Variants in ZBTB7C observed in about 807,000 individuals in gnomAD.
ZBTB7C encodes zinc finger and BTB domain-containing protein 7C.
ZBTB7C carries 8 observed loss-of-function variants against 25.7 expected under a neutral mutation model. The ratio of observed to expected loss-of-function variants is 0.31; its 90% CI spans 0.18 to 0.56. The LOEUF (loss-of-function observed/expected upper bound fraction) is 0.56. Ranked by LOEUF, ZBTB7C falls within the 20% of genes least tolerant of loss-of-function variation. The pLI is 0.91. For missense variants in ZBTB7C, 824 were observed against 855.2 expected (o/e 0.96, Z 0.46); for synonymous variants, 394 against 369.0 (o/e 1.07, Z -0.78).
At chr18:48,204,194 C>T (rs1295930693) in intron 2 of ZBTB7C, among the ~76,000 whole-genome samples, 1 of 152,194 alleles carries the variant, frequency 6.6e-6, no homozygotes, top group African/African-American at 2.4e-5. Context: ...ATAGAATGTG[C>T]CTGGAGAGGG....
Position 48,029,039 on chromosome 18 carries a change from G to A in ZBTB7C, c.*221C>T. Reference sequence around the variant, plus strand: ...CCAGAGAGACAGGGAGGGAGGCCCGGGCTCCTGGCCTTTTGGGAAAAGATG... The same window carrying A: ...CCAGAGAGACAGGGAGGGAGGCCCGAGCTCCTGGCCTTTTGGGAAAAGATG... On this transcript the variant is annotated 3_prime_UTR_variant, in exon 5 of 5. Coordinates refer to ENST00000590800, the MANE Select transcript of ZBTB7C (RefSeq NM_001318841.2). The A allele has an allele frequency of 6.6e-6, 4 of 605,092 alleles. No individual in the cohort carries two copies. In the South Asian group the frequency reaches 9.5e-5, roughly 14 times the overall value. 37.5% of individuals were successfully genotyped at this position (605,092 alleles called of 1,614,324 possible).
At chr18:48,228,793 G>A (rs2043176498) in intron 2 of ZBTB7C, among the ~76,000 whole-genome samples, 2 of 143,504 alleles carry the variant, frequency 1.4e-5, no homozygotes, top group Admixed American at 6.8e-5. Context: ...ATACACACTC[G>A]TACATGAACA....
intron 1 of ZBTB7C, among the ~76,000 whole-genome samples, chr18:48,366,561 C>T (rs981751088): frequency 3.9e-5 from 6 of 152,098 alleles, no homozygotes; most frequent in East Asian, 1.9e-4. Flanking sequence ...TTCCTTGCTA[C>T]GTAATTATTG....
At chr18:48,412,261 G>C (rs1179427955), upstream of ZBTB7C, among the ~76,000 whole-genome samples, 1 of 152,184 alleles carries the variant, frequency 6.6e-6, no homozygotes, top group Non-Finnish European at 1.5e-5. Flanking sequence ...TCTGAGAATT[G>C]GGATCAAATT....
intron 2 of ZBTB7C, among the ~76,000 whole-genome samples, chr18:48,312,982 G>A (rs901202818): frequency 6.6e-6 from 1 of 152,108 alleles, no homozygotes; most frequent in Non-Finnish European, 1.5e-5. Context: ...TTCTTCATTC[G>A]ATTCCTATTG....
chr18:48,137,421 C>G lies in ZBTB7C; in HGVS notation c.-17+48513G>C, dbSNP rs1274494500. The G allele has an allele frequency of 4.8e-6, 3 of 629,268 alleles. No homozygotes were observed. In the East Asian group the frequency reaches 4.2e-4, roughly 88 times the overall value. The allele number at this position is 629,268 out of a possible 1,614,324, so 39.0% of individuals were successfully genotyped here. On this transcript the variant is annotated intron_variant, in intron 3 of 4. Coordinates refer to ENST00000590800, the MANE Select transcript of ZBTB7C (RefSeq NM_001318841.2). ...GTTTTGTTTTTTGTGGGTTTCCCCC[C>G]ACTCTCCTTCTCTAGTACTTCACAA...
chr18:48,272,810 T>C (rs1308291403), intron 2 of ZBTB7C, among the ~76,000 whole-genome samples: 1 of 152,072 alleles, frequency 6.6e-6, no homozygotes, highest in Non-Finnish European at 1.5e-5. Context: ...TGGAATGTCA[T>C]TTAGCCATAA....
intron 3 of ZBTB7C, among the ~76,000 whole-genome samples, chr18:48,122,651 G>A (rs547820370): frequency 5.5e-4 from 83 of 152,162 alleles, no homozygotes; most frequent in Non-Finnish European, 9.8e-4. Flanking sequence ...TGAAGTATCC[G>A]AAATGGGCAG....
intron 1 of ZBTB7C, among the ~76,000 whole-genome samples, chr18:48,339,711 G>A (rs1299701787): frequency 6.6e-6 from 1 of 152,138 alleles, no homozygotes; most frequent in African/African-American, 2.4e-5. Context: ...GCCCTGCTAT[G>A]GGGGGATGGG....
intron 2 of ZBTB7C, among the ~76,000 whole-genome samples, chr18:48,336,224 G>A (rs1473747611): frequency 6.6e-6 from 1 of 152,150 alleles, no homozygotes; most frequent in African/African-American, 2.4e-5. Flanking sequence ...GAGAAATTCT[G>A]ATAACCAGTT....
chr18:48,151,064 T>C (rs1175788116), intron 3 of ZBTB7C, among the ~76,000 whole-genome samples: 1 of 152,206 alleles, frequency 6.6e-6, no homozygotes, highest in Non-Finnish European at 1.5e-5. Flanking sequence ...GAAGAAGCAG[T>C]GACAACTGGT....
intron 3 of ZBTB7C, among the ~76,000 whole-genome samples, chr18:48,068,329 C>CG (rs1164966415): frequency 2.0e-5 from 3 of 151,690 alleles, no homozygotes; most frequent in Non-Finnish European, 4.4e-5. Flanking sequence ...TTATTAGAAA[C>CG]GGGGTTTCAC....
At chr18:48,148,796 T>C (rs2040575990) in intron 3 of ZBTB7C, 1 of 152,330 alleles carries the variant, frequency 6.6e-6, no homozygotes, top group African/African-American at 2.4e-5. Context: ...TTACCATTCT[T>C]GCTGCACTTA....
At chr18:48,359,100 C>T (rs375339652) in intron 1 of ZBTB7C, among the ~76,000 whole-genome samples, 5 of 152,182 alleles carry the variant, frequency 3.3e-5, no homozygotes, top group East Asian at 1.9e-4. Context: ...ACTTACTGCC[C>T]GGAGTACATC....
At chr18:48,181,819 T>C (rs1448277660) in intron 3 of ZBTB7C, among the ~76,000 whole-genome samples, 1 of 152,228 alleles carries the variant, frequency 6.6e-6, no homozygotes, top group African/African-American at 2.4e-5. Flanking sequence ...CCCCCACAAT[T>C]GCCTATGCAT....
chr18:48,076,832 T>A, intron 3 of ZBTB7C: 1 of 569,220 alleles, frequency 1.8e-6, no homozygotes, highest in South Asian at 7.7e-5. Context: ...ACCCATGGGA[T>A]TGCAGGAGAA....
chr18:48,367,371 T>TATAAAA (rs34753129), intron 1 of ZBTB7C, among the ~76,000 whole-genome samples: 1 of 113,408 alleles, frequency 8.8e-6, no homozygotes, highest in South Asian at 2.5e-4. Context: ...TATATATATA[T>TATAAAA]AAAATACAAA....
intron 2 of ZBTB7C, among the ~76,000 whole-genome samples, chr18:48,253,320 G>T (rs186390923): frequency 6.6e-6 from 1 of 152,288 alleles, no homozygotes; most frequent in African/African-American, 2.4e-5. Context: ...GCAGACTGCA[G>T]CTTTCAGCCA....
At chr18:48,266,188 G>GAGAGGTTTAAGTGGTCGAT (rs759999376) in intron 2 of ZBTB7C, among the ~76,000 whole-genome samples, 284 of 152,242 alleles carry the variant, frequency 1.9e-3, no homozygotes, top group Middle Eastern at 6.8e-3. Context: ...CTAATGCTTA[G>GAGAGGTTTAAGTGGTCGAT]AGAGGTTTAA....
Sources: gnomAD v4.1 joint callset for allele counts (sites outside exome capture counted in the v4.1 genomes callset) on GRCh38, gnomAD v4.1.1 for gene constraint, MANE v1.5 for transcripts, NCBI Gene and HGNC (gene_info 2026-07-23, HGNC 2026-07-21) for gene names.